SYT16: variants seen among roughly 807,000 people sequenced by gnomAD.
SYT16 encodes synaptotagmin 16.
A neutral mutation model predicts 61.4 loss-of-function variants in SYT16; 42 were observed. That is an observed-to-expected ratio of 0.68 (90% CI 0.53 to 0.89). The LOEUF is 0.89. SYT16 is among the 40% of genes least tolerant of loss of function. The pLI is 0.00. For missense variants in SYT16, 804 were observed against 807.3 expected, an observed-to-expected ratio of 1.00 and a Z score of 0.05; for synonymous variants, 314 against 302.3, an observed-to-expected ratio of 1.04 and a Z score of -0.40.
chr14:61,948,292 C>A (rs1383017276), intron 1 of SYT16, among the ~76,000 whole-genome samples: 2 of 151,980 alleles, frequency 1.3e-5, no homozygotes, highest in Admixed American at 6.6e-5. Context: ...TCTATCTGAA[C>A]CTCACTATCC....
At chr14:62,019,102 T>C (rs984125641) in intron 3 of SYT16, among the ~76,000 whole-genome samples, 1 of 152,232 alleles carries the variant, frequency 6.6e-6, no homozygotes, top group African/African-American at 2.4e-5. Context: ...TTATAAGCTA[T>C]TGACATGTAA....
chr14:62,063,340 G>A (rs1361294635), intron 3 of SYT16, among the ~76,000 whole-genome samples: 3 of 152,220 alleles, frequency 2.0e-5, no homozygotes, highest in African/African-American at 7.2e-5. Context: ...GGGGGATGCT[G>A]ATGAAGACGA....
At chr14:62,079,458 A>G (rs1233374842) in intron 5 of SYT16, 1 of 663,326 alleles carries the variant, frequency 1.5e-6, no homozygotes, top group African/African-American at 1.9e-5. Context: ...GTTGAGGAAA[A>G]TAGAACATGG....
chr14:61,813,190 G>A (rs950212096), intron 1 of SYT16, among the ~76,000 whole-genome samples: 1 of 152,364 alleles, frequency 6.6e-6, no homozygotes, highest in Middle Eastern at 3.4e-3. Flanking sequence ...TCGAGTTCTG[G>A]GTCGGGTTTG....
chr14:62,048,451 A>C (rs1238194752), intron 3 of SYT16, among the ~76,000 whole-genome samples: 1 of 151,906 alleles, frequency 6.6e-6, no homozygotes, highest in Non-Finnish European at 1.5e-5. Context: ...TGATTTTTTG[A>C]AGGGTTTTTT....
At chr14:62,012,628 A>G (rs774145307) in intron 3 of SYT16, among the ~76,000 whole-genome samples, 21 of 152,220 alleles carry the variant, frequency 1.4e-4, no homozygotes, top group Non-Finnish European at 2.2e-4. Context: ...ACAGGATTCT[A>G]TATTGTCCAT....
At chr14:61,835,633 A>G (rs1203047492) in intron 1 of SYT16, among the ~76,000 whole-genome samples, 1 of 152,076 alleles carries the variant, frequency 6.6e-6, no homozygotes, top group African/African-American at 2.4e-5. Context: ...AAAAGATCAA[A>G]AAATACTGCC....
Position 62,110,018 on chromosome 14 carries a change from C to T in SYT16, c.*9311C>T, listed in dbSNP as rs1237815103. On this transcript the variant is annotated 3_prime_UTR_variant, in exon 8 of 8. Transcript: ENST00000683842. Reference sequence around the variant, plus strand: ...TGGAAAGAAAACACTGATAGTCACTCTGGGTGAAGGGGGAGGCCTGGCCAA... The same window carrying T: ...TGGAAAGAAAACACTGATAGTCACTTTGGGTGAAGGGGGAGGCCTGGCCAA... 6.6e-6 allele frequency: 1 copy of T among 152,130 alleles called. No homozygotes were observed. Among genetic ancestry groups the T allele is most frequent in the Non-Finnish European group, 1.5e-5 (1 of 68,010 alleles). The allele number at this position is 152,130 out of a possible 1,614,324, so 9.4% of individuals were successfully genotyped here.
At chr14:61,987,542 C>A (rs2052364957) in intron 2 of SYT16, among the ~76,000 whole-genome samples, 1 of 152,004 alleles carries the variant, frequency 6.6e-6, no homozygotes, top group Non-Finnish European at 1.5e-5. Flanking sequence ...TGGCAGAAGG[C>A]CATAGAGTTT....
intron 1 of SYT16, among the ~76,000 whole-genome samples, chr14:61,964,389 T>A (rs1008409739): frequency 1.3e-5 from 2 of 152,140 alleles, no homozygotes; most frequent in African/African-American, 4.8e-5. Context: ...GGGCTCAAGA[T>A]TTCAGTGGAA....
chr14:61,928,301 CA>C (rs1180242650), intron 1 of SYT16, among the ~76,000 whole-genome samples: 1 of 152,132 alleles, frequency 6.6e-6, no homozygotes, highest in Non-Finnish European at 1.5e-5. Flanking sequence ...GAATGGACAT[CA>C]GGGGCACTTA....
chr14:62,059,535 T>C (rs777719955), intron 3 of SYT16, among the ~76,000 whole-genome samples: 3 of 151,782 alleles, frequency 2.0e-5, no homozygotes, highest in Non-Finnish European at 4.4e-5. Context: ...AACTTAGCAA[T>C]TTTTTTCTGG....
At chr14:62,080,256 CT>C (rs2056661009) in intron 5 of SYT16, among the ~76,000 whole-genome samples, 1 of 152,340 alleles carries the variant, frequency 6.6e-6, no homozygotes, top group African/African-American at 2.4e-5. Context: ...TCAAGCTCCA[CT>C]CCAGACCTAC....
At chr14:62,056,990 G>A (rs2055589519) in intron 3 of SYT16, among the ~76,000 whole-genome samples, 3 of 152,148 alleles carry the variant, frequency 2.0e-5, no homozygotes. Context: ...AACGTGAGCC[G>A]CGCTGGGGGG....
At chr14:61,986,193 C>T (rs935897876) in intron 2 of SYT16, among the ~76,000 whole-genome samples, 3 of 151,606 alleles carry the variant, frequency 2.0e-5, no homozygotes, top group Admixed American at 6.6e-5. Context: ...GTAAACAGAC[C>T]CCTGATTATT....
intron 1 of SYT16, chr14:61,831,927 A>C (rs2045950205): frequency 5.7e-6 from 3 of 524,608 alleles, no homozygotes; most frequent in African/African-American, 3.9e-5. Flanking sequence ...GGTTCACCTC[A>C]TGTCCAGCAT....
chr14:61,864,988 C>T, intron 1 of SYT16: 2 of 1,393,730 alleles, frequency 1.4e-6, no homozygotes, highest in African/African-American at 1.4e-5. Flanking sequence ...GCCCCTCTTA[C>T]AGTGGCAGCC....
At chr14:61,954,366 G>A (rs2050789826) in intron 1 of SYT16, among the ~76,000 whole-genome samples, 1 of 144,716 alleles carries the variant, frequency 6.9e-6, no homozygotes, top group South Asian at 2.2e-4. Context: ...CAAACATCTA[G>A]TGACTGTGTG....
chr14:61,965,808 TG>T (rs1285447576), intron 1 of SYT16, among the ~76,000 whole-genome samples: 1 of 152,108 alleles, frequency 6.6e-6, no homozygotes, highest in Non-Finnish European at 1.5e-5. Flanking sequence ...AAGATGCAAT[TG>T]AAGAAAACTC....
Sources: gnomAD v4.1 joint callset for allele counts (sites outside exome capture counted in the v4.1 genomes callset) on GRCh38, gnomAD v4.1.1 for gene constraint, MANE v1.5 for transcripts, NCBI Gene and HGNC (gene_info 2026-07-23, HGNC 2026-07-21) for gene names.